Variants in UBAC2 observed in about 807,000 individuals in gnomAD.
The protein encoded by UBAC2 is UBA domain containing 2, also known as ubiquitin-associated domain-containing protein 2.
UBAC2 carries 26 observed loss-of-function variants against 44.0 expected under a neutral mutation model. The observed-to-expected ratio is 0.59, with a 90% CI of 0.43 to 0.82. The LOEUF (loss-of-function observed/expected upper bound fraction) is 0.82. Among genes scored for constraint, UBAC2 ranks in the 40% least tolerant of loss-of-function variants. The probability of loss-of-function intolerance (pLI) is 0.00; values close to 1 mark genes in which losing one functional copy is unlikely to be tolerated. For synonymous variants in UBAC2, 155 were observed against 154.3 expected (o/e 1.00, Z -0.04); for missense variants, 329 against 419.4 (o/e 0.78, Z 1.88).
chr13:99,233,801 G>A (rs76307858), intron 1 of UBAC2, among the ~76,000 whole-genome samples: 1,744 of 151,978 alleles, frequency 0.011, 41 homozygotes, highest in African/African-American at 0.04. Context: ...ACTTTTTCAC[G>A]GTAAAAGGAT....
At chr13:99,322,908 C>T (rs570785631) in intron 6 of UBAC2, among the ~76,000 whole-genome samples, 24 of 152,292 alleles carry the variant, frequency 1.6e-4, no homozygotes, top group African/African-American at 5.8e-4. Context: ...TGTGATTTGC[C>T]TTTCTCTCTT....
intron 6 of UBAC2, among the ~76,000 whole-genome samples, chr13:99,333,595 C>T (rs1023265031): frequency 4.6e-5 from 7 of 152,328 alleles, no homozygotes; most frequent in African/African-American, 1.4e-4. Context: ...TCAGAGTTTA[C>T]ATTTAGATAG....
At position 99,295,323 on chromosome 13, in the gene UBAC2, A is replaced by C. The variant is rs747663821; in HGVS notation, c.390-18774A>C. 3 of 1,614,170 alleles carry C rather than the reference A, an allele frequency of 1.9e-6. No individual in the cohort carries two copies. Among genetic ancestry groups the C allele is most frequent in the East Asian group, 4.5e-5 (2 of 44,870 alleles). On this transcript the variant is annotated intron_variant, in intron 4 of 8. Coordinates refer to ENST00000403766, the MANE Select transcript of UBAC2 (RefSeq NM_001144072.2). This position sits in a 1 kb window ranked among gnomAD's most constrained non-coding sequence, Gnocchi z 4.1. ...CTTTGGCTACATTCCAGGAAATTAG[A>C]GAAACGAAGCTTCTTAATCATATGT...
intron 7 of UBAC2, among the ~76,000 whole-genome samples, chr13:99,356,662 C>CTA: frequency 6.6e-6 from 1 of 152,326 alleles, no homozygotes; most frequent in South Asian, 2.1e-4. Flanking sequence ...GAGACTACTG[C>CTA]TAAGCAGCAC....
At chr13:99,301,895 T>C (rs184157646) in intron 4 of UBAC2, among the ~76,000 whole-genome samples, 41 of 152,364 alleles carry the variant, frequency 2.7e-4, no homozygotes, top group African/African-American at 9.9e-4. Flanking sequence ...AATGTCACCT[T>C]TGCCCTCTAA....
intron 1 of UBAC2, among the ~76,000 whole-genome samples, chr13:99,214,222 T>TA (rs1451584051): frequency 6.7e-6 from 1 of 148,248 alleles, no homozygotes; most frequent in Non-Finnish European, 1.5e-5. Flanking sequence ...ATCTTTGGTT[T>TA]GTTTTTTTTT....
chr13:99,252,001 A>T (rs1043929854), intron 4 of UBAC2, among the ~76,000 whole-genome samples: 2 of 152,220 alleles, frequency 1.3e-5, no homozygotes, highest in African/African-American at 4.8e-5. Context: ...GCTCAAGCCC[A>T]GTCCTCCCAC....
At chr13:99,371,711 T>C (rs1469015564) in intron 8 of UBAC2, among the ~76,000 whole-genome samples, 1 of 152,218 alleles carries the variant, frequency 6.6e-6, no homozygotes. Context: ...TTAAGAAACT[T>C]AGTAATTTTT....
chr13:99,267,730 G>A (rs1009998994), intron 4 of UBAC2, among the ~76,000 whole-genome samples: 1 of 152,166 alleles, frequency 6.6e-6, no homozygotes, highest in Non-Finnish European at 1.5e-5. Flanking sequence ...GGTCCCTGCT[G>A]TTCTGATTAA....
intron 4 of UBAC2, among the ~76,000 whole-genome samples, chr13:99,262,560 G>T (rs1458666751): frequency 6.6e-6 from 1 of 151,898 alleles, no homozygotes; most frequent in African/African-American, 2.4e-5. Flanking sequence ...AAAATTAGCT[G>T]GGCATGGTGG....
intron 6 of UBAC2, among the ~76,000 whole-genome samples, chr13:99,338,059 T>C (rs1490566186): frequency 7.4e-5 from 7 of 95,148 alleles, no homozygotes; most frequent in African/African-American, 2.2e-4. Context: ...TTTTTTTTTT[T>C]TTTTTTTTTT....
intron 8 of UBAC2, among the ~76,000 whole-genome samples, chr13:99,377,910 A>G (rs2045502015): frequency 6.6e-6 from 1 of 152,220 alleles, no homozygotes. Context: ...GGCCAACTCC[A>G]AAGCTCGGGT....
At chr13:99,274,641 G>A (rs2043859642) in intron 4 of UBAC2, among the ~76,000 whole-genome samples, 1 of 151,784 alleles carries the variant, frequency 6.6e-6, no homozygotes, top group Admixed American at 6.6e-5. Flanking sequence ...TACTGTTAAT[G>A]TTAATGGACA....
chr13:99,215,559 A>C (rs923685998), intron 1 of UBAC2: 10 of 1,448,722 alleles, frequency 6.9e-6, no homozygotes, highest in Non-Finnish European at 9.7e-6. Flanking sequence ...TGCCAGTTCA[A>C]GTCCCTCTGC....
intron 7 of UBAC2, among the ~76,000 whole-genome samples, chr13:99,345,337 C>A (rs893080635): frequency 3.3e-5 from 5 of 150,914 alleles, no homozygotes; most frequent in Non-Finnish European, 4.4e-5. Context: ...AGAAAAATGT[C>A]ATTTTATTGC....
chr13:99,262,878 A>G (rs1198476515), intron 4 of UBAC2, among the ~76,000 whole-genome samples: 1 of 152,150 alleles, frequency 6.6e-6, no homozygotes, highest in Admixed American at 6.5e-5. Flanking sequence ...TATAAGGTTG[A>G]GGGTTGTTGG....
chr13:99,273,863 CT>C (rs199875385), intron 4 of UBAC2, among the ~76,000 whole-genome samples: 364 of 137,858 alleles, frequency 2.6e-3, no homozygotes, highest in Middle Eastern at 3.8e-3. Context: ...CAGTTTTCAT[CT>C]TTTTTTTTTT....
At position 99,361,718 on chromosome 13, in the gene UBAC2, A is replaced by G. The variant is rs565953893; in HGVS notation, c.808-6069A>G. 8.9e-4 allele frequency among the ~76,000 whole-genome samples: 136 copies of G among 152,314 alleles called. 1 individual carries two copies. Among genetic ancestry groups the G allele is most frequent in the African/African-American group, 2.9e-3 (122 of 41,562 alleles). ...CTACCTACTAAATGCCGACAGCACC[A>G]CCATCCTGTCCCCCCTCCCCTCCTT... On this transcript the variant is annotated intron_variant, in intron 7 of 8. Coordinates refer to ENST00000403766, the MANE Select transcript of UBAC2 (RefSeq NM_001144072.2).
chr13:99,292,208 T>C (rs928644924), intron 4 of UBAC2, among the ~76,000 whole-genome samples: 1 of 151,002 alleles, frequency 6.6e-6, no homozygotes, highest in Non-Finnish European at 1.5e-5. Context: ...CAATCTCTGC[T>C]CACTGCAAGC....
Sources: allele counts gnomAD v4.1 joint callset (sites outside exome capture counted in the v4.1 genomes callset), GRCh38; gene constraint gnomAD v4.1.1; non-coding constraint Gnocchi (gnomAD v3.1); transcripts MANE v1.5; gene names NCBI Gene and HGNC (gene_info 2026-07-23, HGNC 2026-07-21).